Variants in CHRM5 observed in about 807,000 individuals in gnomAD.
CHRM5 encodes the protein muscarinic acetylcholine receptor M5.
Under a neutral mutation model 39.0 loss-of-function variants are expected in CHRM5, and 18 were observed. The ratio of observed to expected loss-of-function variants is 0.46; its 90% confidence interval spans 0.32 to 0.68. CHRM5 has a LOEUF of 0.68. Among genes scored for constraint, CHRM5 ranks in the 30% least tolerant of loss-of-function variants. The pLI, the probability that CHRM5 is intolerant of heterozygous loss-of-function variation, is 0.04. For synonymous variants in CHRM5, 241 were observed against 246.3 expected (o/e 0.98, Z 0.20); for missense variants, 515 against 651.1 (o/e 0.79, Z 2.28).
chr15:33,993,788 C>A (rs569589393), intron 1 of CHRM5, among the ~76,000 whole-genome samples: 1 of 152,042 alleles, frequency 6.6e-6, no homozygotes, highest in Non-Finnish European at 1.5e-5. Flanking sequence ...CTGGAATAAT[C>A]ATTTCCTTGA....
intron 1 of CHRM5, among the ~76,000 whole-genome samples, chr15:34,035,790 TTTAGTTAGTAAG>T (rs1368086173): frequency 9.2e-6 from 1 of 108,892 alleles, no homozygotes; most frequent in Non-Finnish European, 2.5e-5. Flanking sequence ...TATTTATTCA[TTTAGTTAGTAAG>T]TTAGTTATTT....
chr15:34,000,101 C>T (rs1265090209), intron 1 of CHRM5, among the ~76,000 whole-genome samples: 1 of 152,210 alleles, frequency 6.6e-6, no homozygotes, highest in Non-Finnish European at 1.5e-5. Context: ...TAGATATCCT[C>T]ACTTGCTCCC....
chr15:34,059,737 ACTTCATTCTTCAAGT>A (rs367674759), intron 2 of CHRM5, among the ~76,000 whole-genome samples: 1,873 of 152,188 alleles, frequency 0.012, 45 homozygotes, highest in African/African-American at 0.039. Context: ...GCTATTGGTG[ACTTCATTCTTCAAGT>A]CTCGACTCTT....
At chr15:34,033,694 T>C (rs1038126350) in intron 1 of CHRM5, among the ~76,000 whole-genome samples, 7 of 152,158 alleles carry the variant, frequency 4.6e-5, no homozygotes, top group African/African-American at 1.7e-4. Flanking sequence ...TATATTCTGT[T>C]GAATAAGGTT....
intron 1 of CHRM5, among the ~76,000 whole-genome samples, chr15:34,017,217 T>A (rs1198873088): frequency 1.3e-5 from 2 of 152,074 alleles, no homozygotes; most frequent in Non-Finnish European, 2.9e-5. Context: ...TCTGTTCACC[T>A]ATTAACAATT....
chr15:34,006,434 A>G (rs534697876), intron 1 of CHRM5, among the ~76,000 whole-genome samples: 1 of 152,352 alleles, frequency 6.6e-6, no homozygotes, highest in Admixed American at 6.5e-5. Flanking sequence ...GGGTGAACAG[A>G]GTTCAGAGAG....
At chr15:34,009,091 A>C (rs990625903) in intron 1 of CHRM5, among the ~76,000 whole-genome samples, 2 of 152,198 alleles carry the variant, frequency 1.3e-5, no homozygotes, top group African/African-American at 4.8e-5. Context: ...CCAGAAGGCA[A>C]TAATATAACA....
intron 1 of CHRM5, chr15:34,038,860 G>A: frequency 1.7e-6 from 2 of 1,156,396 alleles, no homozygotes; most frequent in Non-Finnish European, 2.1e-6. Context: ...CGGCCTCCGC[G>A]AGCGCCGCGG....
rs1475008854 is a variant in CHRM5, at chr15:34,063,001, G to A, written c.284G>A (p.Arg95His). Residue 95 changes from arginine (R) to histidine (H), a missense_variant, in exon 3 of 3, where the codon CGC (arginine) becomes CAC (histidine). Transcript: ENST00000383263. The surrounding 1 kb of genome is among the most constrained non-coding windows in gnomAD (Gnocchi z 4.1). ...NLYTTYILMG[R>H]WALGSLACDL... The stretch of plus-strand genomic sequence containing the variant: ...TACACCACCTACATCCTCATGGGAC[G>A]CTGGGCTCTCGGGAGTCTGGCTTGT... 4.3e-6 allele frequency: 7 copies of A among 1,614,154 alleles called. No homozygotes were observed. The highest frequency in any genetic ancestry group is 2.2e-5 in the South Asian group (2 of 91,082).
At chr15:33,983,034 A>G (rs1020078711) in intron 1 of CHRM5, among the ~76,000 whole-genome samples, 6 of 151,906 alleles carry the variant, frequency 3.9e-5, no homozygotes, top group Non-Finnish European at 7.4e-5. Context: ...CAAGAAGCAC[A>G]ACATTAAGGC....
chr15:34,026,661 C>T (rs370192351), intron 1 of CHRM5, among the ~76,000 whole-genome samples: 1 of 151,522 alleles, frequency 6.6e-6, no homozygotes, highest in Non-Finnish European at 1.5e-5. Flanking sequence ...TCACTGAGGA[C>T]AAGAGGAAAA....
intron 1 of CHRM5, among the ~76,000 whole-genome samples, chr15:34,042,591 C>T (rs1325890539): frequency 6.6e-6 from 1 of 151,542 alleles, no homozygotes; most frequent in African/African-American, 2.4e-5. Context: ...TTAGTAGAGA[C>T]GGGGTTTCTC....
chr15:33,979,329 C>G (rs1016667215), intron 1 of CHRM5, among the ~76,000 whole-genome samples: 2 of 152,064 alleles, frequency 1.3e-5, no homozygotes, highest in Non-Finnish European at 2.9e-5. Context: ...TGAGATCAGC[C>G]TGGGCAATAT....
chr15:34,038,811 G>A lies in CHRM5; in HGVS notation c.-407-7729G>A, dbSNP rs1168829951. 1.7e-5 allele frequency: 20 copies of A among 1,192,658 alleles called. No homozygotes were observed. The South Asian group carries it at 1.7e-4, about 10-fold the overall frequency. 73.9% of individuals were successfully genotyped at this position (1,192,658 alleles called of 1,614,324 possible). On this transcript the variant is annotated intron_variant, in intron 1 of 2. Coordinates refer to ENST00000383263, the MANE Select transcript of CHRM5 (RefSeq NM_012125.4). ...GCTGGCCCCTGCGCCCCAGCCTCCC[G>A]GCTCCCGGCGGCTGCCTCGCGGGGC...
intron 1 of CHRM5, among the ~76,000 whole-genome samples, chr15:33,993,046 A>G (rs1896793878): frequency 6.6e-6 from 1 of 152,242 alleles, no homozygotes; most frequent in African/African-American, 2.4e-5. Context: ...ATATTGATCC[A>G]GTGCATTCTG....
At position 33,984,407 on chromosome 15, in the gene CHRM5, GTT is replaced by G. The variant is rs11363064; in HGVS notation, c.-408+15268_-408+15269del. Among the ~76,000 whole-genome samples the G allele has an allele frequency of 2.8e-4, 41 of 148,172 alleles. 1 individual carries two copies. The highest frequency in any genetic ancestry group is 1.8e-3 in the East Asian group (9 of 5,068). On this transcript the variant is annotated intron_variant, in intron 1 of 2. Transcript: ENST00000383263. ...CCTGTTAGAATAGATTGATGGTAGGGTTTTTTTTTTTTGAGACAGAGTTTCAC... is the reference window on the plus strand; with the variant it reads ...CCTGTTAGAATAGATTGATGGTAGGGTTTTTTTTTTGAGACAGAGTTTCAC...
chr15:34,046,527 TC>T lies in CHRM5; in HGVS notation c.-407-9del, dbSNP rs1474233449. ...TAACAGCCCCTTTGTGAACGATCAT[TC>T]CCCTTTTCTAGGAACCTAGGAAATC... is the stretch of plus-strand genomic sequence containing the variant. On this transcript the variant is annotated splice_polypyrimidine_tract_variant and intron_variant, in intron 1 of 2. Transcript: ENST00000383263. 2 of 152,186 alleles carry T rather than the reference TC, an allele frequency of 1.3e-5. No homozygotes were observed. The highest frequency in any genetic ancestry group is 2.9e-5 in the Non-Finnish European group (2 of 68,022). 9.4% of individuals were successfully genotyped at this position (152,186 alleles called of 1,614,324 possible).
intron 1 of CHRM5, among the ~76,000 whole-genome samples, chr15:33,987,458 C>T (rs1486833963): frequency 6.6e-6 from 1 of 152,186 alleles, no homozygotes. Flanking sequence ...ATGGAATAAA[C>T]CCACAGACTC....
chr15:33,999,348 C>T (rs1044628854), intron 1 of CHRM5, among the ~76,000 whole-genome samples: 1 of 152,188 alleles, frequency 6.6e-6, no homozygotes, highest in Non-Finnish European at 1.5e-5. Flanking sequence ...CAACACAGCA[C>T]TACCTCAGTG....
Sources: gnomAD v4.1 joint callset for allele counts (sites outside exome capture counted in the v4.1 genomes callset) on GRCh38, gnomAD v4.1.1 for gene constraint, Gnocchi (gnomAD v3.1) non-coding constraint, MANE v1.5 for transcripts, NCBI Gene and HGNC (gene_info 2026-07-23, HGNC 2026-07-21) for gene names.